CLVS1: variants seen among roughly 807,000 people sequenced by gnomAD.
The protein encoded by CLVS1 is clavesin-1.
CLVS1 carries 10 observed loss-of-function variants against 33.1 expected under a neutral mutation model. That is an observed-to-expected ratio of 0.30 (90% confidence interval 0.19 to 0.51). The LOEUF (loss-of-function observed/expected upper bound fraction) is 0.51, where lower values mean the gene tolerates loss of function less well. Ranked by LOEUF, CLVS1 falls within the 20% of genes least tolerant of loss-of-function variation. The probability of loss-of-function intolerance (pLI) is 0.97; values close to 1 mark genes in which losing one functional copy is unlikely to be tolerated. For missense variants in CLVS1, 343 were observed against 433.4 expected (o/e 0.79, Z 1.85); for synonymous variants, 163 against 166.1 (o/e 0.98, Z 0.14).
intron 1 of CLVS1, among the ~76,000 whole-genome samples, chr8:61,090,114 T>C (rs1195909177): frequency 2.0e-5 from 3 of 152,202 alleles, no homozygotes; most frequent in Non-Finnish European, 4.4e-5. Flanking sequence ...GTTTTACTTT[T>C]TAGTACTCAT....
chr8:61,332,138 G>T (rs191107415), intron 2 of CLVS1, among the ~76,000 whole-genome samples: 14 of 152,320 alleles, frequency 9.2e-5, no homozygotes, highest in Admixed American at 9.2e-4. Flanking sequence ...GGAAAAGGTG[G>T]CTGCCAGCTT....
chr8:61,491,322 T>A (rs1017409549), intron 5 of CLVS1, among the ~76,000 whole-genome samples: 80 of 152,202 alleles, frequency 5.3e-4, no homozygotes, highest in African/African-American at 1.9e-3. Context: ...TGCTTCATAC[T>A]GGCACAGCAA....
At chr8:61,281,324 A>G (rs1213939889) in intron 2 of CLVS1, among the ~76,000 whole-genome samples, 1 of 152,172 alleles carries the variant, frequency 6.6e-6, no homozygotes, top group Admixed American at 6.5e-5. Context: ...CTAAACCTCA[A>G]TGTGATGATA....
intron 5 of CLVS1, among the ~76,000 whole-genome samples, chr8:61,478,716 C>A (rs1818060293): frequency 6.6e-6 from 1 of 152,160 alleles, no homozygotes; most frequent in African/African-American, 2.4e-5. Flanking sequence ...TTTGTCTCTG[C>A]ATGTGAGATG....
chr8:61,484,139 G>A (rs189555180), intron 5 of CLVS1, among the ~76,000 whole-genome samples: 1 of 152,302 alleles, frequency 6.6e-6, no homozygotes, highest in East Asian at 1.9e-4. Flanking sequence ...ATTAGGAAAA[G>A]AGGAAGTCAA....
At chr8:61,000,117 C>T in the CLVS1 span, among the ~76,000 whole-genome samples, 3 of 152,166 alleles carry the variant, frequency 2.0e-5, no homozygotes, top group Admixed American at 6.5e-5. Context: ...TAGGAAGAGA[C>T]TAACAATTTT....
At chr8:61,308,854 C>A (rs1199942482) in intron 2 of CLVS1, among the ~76,000 whole-genome samples, 1 of 152,182 alleles carries the variant, frequency 6.6e-6, no homozygotes, top group Admixed American at 6.5e-5. Flanking sequence ...AGTCTGTCTG[C>A]ACATAAGGAC....
At chr8:61,438,525 T>C (rs763298509) in intron 3 of CLVS1, among the ~76,000 whole-genome samples, 34 of 152,194 alleles carry the variant, frequency 2.2e-4, no homozygotes, top group Non-Finnish European at 2.2e-4. Context: ...ATGATATATA[T>C]TCCTTTGGGT....
At chr8:61,056,246 A>G (rs1236234493), upstream of CLVS1, among the ~76,000 whole-genome samples, 1 of 152,206 alleles carries the variant, frequency 6.6e-6, no homozygotes, top group Non-Finnish European at 1.5e-5. Flanking sequence ...CACCAAAGGT[A>G]TTTAAAAATA....
intron 2 of CLVS1, among the ~76,000 whole-genome samples, chr8:61,333,827 AT>A (rs113036218): frequency 6.6e-6 from 1 of 151,004 alleles, no homozygotes; most frequent in Non-Finnish European, 1.5e-5. Flanking sequence ...TCCATTTGTT[AT>A]TTTTTTTTGA....
the CLVS1 span, among the ~76,000 whole-genome samples, chr8:60,975,954 A>C: frequency 3.3e-5 from 5 of 152,182 alleles, no homozygotes; most frequent in African/African-American, 1.2e-4. Context: ...GAGTACATAC[A>C]ATAAGTACAA....
chr8:61,096,220 G>C (rs372042032), intron 1 of CLVS1, among the ~76,000 whole-genome samples: 28 of 152,252 alleles, frequency 1.8e-4, no homozygotes, highest in African/African-American at 6.3e-4. Context: ...CACTCAACCC[G>C]CTCGCCCTCC....
chr8:61,477,574 G>T (rs1226174474), intron 5 of CLVS1, among the ~76,000 whole-genome samples: 1 of 152,194 alleles, frequency 6.6e-6, no homozygotes, highest in African/African-American at 2.4e-5. Context: ...AGATTTTCTA[G>T]TTTATTTGCA....
chr8:61,241,419 A>G (rs1364479904), intron 2 of CLVS1, among the ~76,000 whole-genome samples: 2 of 152,126 alleles, frequency 1.3e-5, no homozygotes, highest in African/African-American at 4.8e-5. Flanking sequence ...AATGCTGTTG[A>G]ATTCAGTTTG....
At chr8:61,249,951 T>C (rs1488077954) in intron 2 of CLVS1, among the ~76,000 whole-genome samples, 2 of 152,232 alleles carry the variant, frequency 1.3e-5, no homozygotes, top group African/African-American at 2.4e-5. Flanking sequence ...TGGCTCCTGT[T>C]GCCATTGTTT....
chr8:60,997,946 G>T, the CLVS1 span, among the ~76,000 whole-genome samples: 1 of 150,294 alleles, frequency 6.7e-6, no homozygotes, highest in Non-Finnish European at 1.5e-5. Flanking sequence ...GTGTGTGTGT[G>T]TGTGTGTGTT....
intron 2 of CLVS1, among the ~76,000 whole-genome samples, chr8:61,169,073 T>A (rs1806940959): frequency 6.6e-6 from 1 of 152,060 alleles, no homozygotes; most frequent in East Asian, 1.9e-4. Flanking sequence ...TTGGCCAGGG[T>A]TGGGAGATGG....
intron 3 of CLVS1, among the ~76,000 whole-genome samples, chr8:61,395,023 C>T (rs1563533898): frequency 6.6e-6 from 1 of 152,040 alleles, no homozygotes; most frequent in East Asian, 1.9e-4. Context: ...CATTTTTTAC[C>T]AATTGTTTTC....
At chr8:61,005,652 G>A in the CLVS1 span, among the ~76,000 whole-genome samples, 1 of 152,126 alleles carries the variant, frequency 6.6e-6, no homozygotes, top group African/African-American at 2.4e-5. Flanking sequence ...GAGGCTGAGC[G>A]CTACTTTGGA....
Sources: allele counts gnomAD v4.1 joint callset (sites outside exome capture counted in the v4.1 genomes callset), GRCh38; gene constraint gnomAD v4.1.1; transcripts MANE v1.5; gene names NCBI Gene and HGNC (gene_info 2026-07-23, HGNC 2026-07-21).